RBFOX1: variants seen among roughly 807,000 people sequenced by gnomAD.
RBFOX1 encodes the protein RNA binding protein fox-1 homolog 1.
Under a neutral mutation model 57.7 loss-of-function variants are expected in RBFOX1, and 8 were observed. That is an observed-to-expected ratio of 0.14 (90% CI 0.08 to 0.25). The LOEUF (loss-of-function observed/expected upper bound fraction) is 0.25, where lower values mean the gene tolerates loss of function less well. Ranked by LOEUF, RBFOX1 falls within the 10% of genes least tolerant of loss-of-function variation. The pLI is 1.00. For missense variants in RBFOX1, 611 were observed against 548.5 expected (o/e 1.11, Z -1.14); for synonymous variants, 326 against 222.4 (o/e 1.47, Z -4.15).
intron 1 of RBFOX1, among the ~76,000 whole-genome samples, chr16:5,385,306 G>A (rs1024108112): frequency 6.6e-6 from 1 of 152,184 alleles, no homozygotes; most frequent in Admixed American, 6.5e-5. Context: ...TTTTCTGCAG[G>A]ACTTCTCAGA....
At chr16:7,063,586 A>T (rs1231323527) in intron 4 of RBFOX1, among the ~76,000 whole-genome samples, 2 of 152,168 alleles carry the variant, frequency 1.3e-5, no homozygotes, top group East Asian at 3.9e-4. Context: ...TACTTTTCAA[A>T]TTTAGCTGGT....
intron 3 of RBFOX1, among the ~76,000 whole-genome samples, chr16:7,030,078 T>C (rs530007921): frequency 6.6e-6 from 1 of 152,242 alleles, no homozygotes; most frequent in South Asian, 2.1e-4. Context: ...AAGTAAAACA[T>C]TATTACAAAT....
At chr16:5,418,717 G>A (rs1475010441) in intron 1 of RBFOX1, among the ~76,000 whole-genome samples, 1 of 151,860 alleles carries the variant, frequency 6.6e-6, no homozygotes, top group Non-Finnish European at 1.5e-5. Context: ...CTCTCCCAAT[G>A]TTCCTTCATC....
intron 2 of RBFOX1, among the ~76,000 whole-genome samples, chr16:6,642,082 G>C (rs2098496086): frequency 6.6e-6 from 1 of 152,096 alleles, no homozygotes; most frequent in Admixed American, 6.6e-5. Flanking sequence ...CTACGGAGAG[G>C]GTATGTTTTA....
intron 4 of RBFOX1, among the ~76,000 whole-genome samples, chr16:7,420,634 A>T (rs2098531651): frequency 6.6e-6 from 1 of 150,956 alleles, no homozygotes; most frequent in Non-Finnish European, 1.5e-5. Context: ...TGACTTAGTG[A>T]AATTTGTTTT....
chr16:5,694,062 C>G (rs536135534), intron 3 of RBFOX1, among the ~76,000 whole-genome samples: 1 of 152,318 alleles, frequency 6.6e-6, no homozygotes, highest in East Asian at 1.9e-4. Flanking sequence ...GAGCTCAGCT[C>G]TCATTTTGCC....
intron 2 of RBFOX1, among the ~76,000 whole-genome samples, chr16:6,579,617 C>G (rs1436158616): frequency 6.6e-6 from 1 of 152,134 alleles, no homozygotes; most frequent in East Asian, 1.9e-4. Context: ...TCCCCTTCCG[C>G]CACGATTAGA....
At chr16:6,369,906 A>G (rs1290082235) in intron 2 of RBFOX1, among the ~76,000 whole-genome samples, 3 of 152,192 alleles carry the variant, frequency 2.0e-5, no homozygotes, top group Non-Finnish European at 4.4e-5. Context: ...TTCCAATTTC[A>G]TCAATTGTCC....
intron 3 of RBFOX1, among the ~76,000 whole-genome samples, chr16:5,799,812 G>C (rs1031332653): frequency 6.6e-6 from 1 of 152,076 alleles, no homozygotes; most frequent in Non-Finnish European, 1.5e-5. Context: ...TTTGTACAAA[G>C]TTGGGTGCCT....
chr16:6,881,321 C>T (rs2062886827), intron 3 of RBFOX1, among the ~76,000 whole-genome samples: 1 of 152,184 alleles, frequency 6.6e-6, no homozygotes, highest in Non-Finnish European at 1.5e-5. Flanking sequence ...TTTGCTTGGA[C>T]TGCCATAACA....
In RBFOX1 at chr16:7,370,439, C is replaced by G. The variant is rs17143519; in HGVS notation, c.28-147708C>G. Among the ~76,000 whole-genome samples, 706 of 152,274 alleles carry G rather than the reference C, an allele frequency of 4.6e-3. 7 individuals are homozygous for G. The highest frequency in any genetic ancestry group is 0.016 in the African/African-American group (671 of 41,556). On this transcript the variant is annotated intron_variant, in intron 4 of 15. Coordinates refer to ENST00000550418, the MANE Select transcript of RBFOX1 (RefSeq NM_018723.4). ...TTTTCCAATTATATCTGCCAGGAAT[C>G]ACTGTATTTGTCAATCAAAGCGATC...
chr16:7,586,497 A>T (rs1022479045), intron 6 of RBFOX1, among the ~76,000 whole-genome samples: 35 of 152,222 alleles, frequency 2.3e-4, no homozygotes, highest in African/African-American at 7.7e-4. Context: ...CACAAGTATT[A>T]AGTATAAGTA....
intron 2 of RBFOX1, among the ~76,000 whole-genome samples, chr16:6,651,424 G>C (rs12922663): frequency 0.27 from 41,251 of 151,898 alleles, 5,964 homozygotes; most frequent in African/African-American, 0.36. Flanking sequence ...CCACCATCAT[G>C]TCACACCTGG....
At chr16:5,478,890 C>A (rs1222823413) in intron 2 of RBFOX1, among the ~76,000 whole-genome samples, 1 of 152,206 alleles carries the variant, frequency 6.6e-6, no homozygotes. Context: ...GCAACCCTCT[C>A]TGTCTGTATT....
chr16:6,831,625 C>G (rs963302479), intron 3 of RBFOX1, among the ~76,000 whole-genome samples: 10 of 152,090 alleles, frequency 6.6e-5, no homozygotes, highest in Non-Finnish European at 1.5e-4. Context: ...GGGAAGTGTC[C>G]TCAAATGGAA....
Position 6,146,796 on chromosome 16 carries a change from C to T in RBFOX1, c.-127+126804C>T, listed in dbSNP as rs567897789. Reference sequence around the variant, plus strand: ...CCTGTCTTAATAAAGAAGTGAGCATCGTCTAAGTACTGTTTTGAGCTTTAA... The same window carrying T: ...CCTGTCTTAATAAAGAAGTGAGCATTGTCTAAGTACTGTTTTGAGCTTTAA... On this transcript the variant is annotated intron_variant, in intron 1 of 15. Coordinates refer to ENST00000550418, the MANE Select transcript of RBFOX1 (RefSeq NM_018723.4). 5.9e-5 allele frequency among the ~76,000 whole-genome samples: 9 copies of T among 152,246 alleles called. No individual in the cohort carries two copies. The South Asian group carries it at 6.2e-4, about 11-fold the overall frequency.
intron 1 of RBFOX1, among the ~76,000 whole-genome samples, chr16:5,309,111 C>G (rs1390818223): frequency 1.3e-5 from 2 of 152,180 alleles, no homozygotes; most frequent in African/African-American, 4.8e-5. Flanking sequence ...TTTAATAAGA[C>G]AGCTCCCTCT....
chr16:5,502,025 CTATTAT>C (rs58333271), intron 2 of RBFOX1, among the ~76,000 whole-genome samples: 17 of 150,180 alleles, frequency 1.1e-4, no homozygotes, highest in South Asian at 6.4e-4. Flanking sequence ...GCCCAGCTCA[CTATTAT>C]TATTATTATT....
chr16:6,265,686 G>T (rs965642851), intron 1 of RBFOX1, among the ~76,000 whole-genome samples: 1 of 152,164 alleles, frequency 6.6e-6, no homozygotes, highest in Non-Finnish European at 1.5e-5. Context: ...ATTAGCTTTG[G>T]TGCACCCAGC....
Sources: gnomAD v4.1 joint callset for allele counts (sites outside exome capture counted in the v4.1 genomes callset) on GRCh38, gnomAD v4.1.1 for gene constraint, MANE v1.5 for transcripts, NCBI Gene and HGNC (gene_info 2026-07-23, HGNC 2026-07-21) for gene names.